CTTN: variants seen among roughly 807,000 people sequenced by gnomAD.
The protein encoded by CTTN is cortactin, also known as src substrate cortactin.
In CTTN, 28 loss-of-function variants were observed where a neutral mutation model predicts 84.0. The ratio of observed to expected loss-of-function variants is 0.33; its 90% CI spans 0.25 to 0.46. The LOEUF (loss-of-function observed/expected upper bound fraction) is 0.46, where lower values mean the gene tolerates loss of function less well. Among genes scored for constraint, CTTN ranks in the 20% least tolerant of loss-of-function variants. The pLI is 1.00. For synonymous variants in CTTN, 301 were observed against 288.8 expected, an observed-to-expected ratio of 1.04 and a Z score of -0.43; for missense variants, 641 against 723.8, an observed-to-expected ratio of 0.89 and a Z score of 1.31.
intron 15 of CTTN, among the ~76,000 whole-genome samples, 161 bp downstream of exon 15, chr11:70,431,441 G>T (rs2058353254): frequency 6.6e-6 from 1 of 152,068 alleles, no homozygotes; most frequent in Non-Finnish European, 1.5e-5. Flanking sequence ...GGAGCGCCTG[G>T]GGGGTGGGTG....
chr11:70,398,811 C>T (rs904334443), intron 1 of CTTN, among the ~76,000 whole-genome samples, 197 bp downstream of exon 1: 5 of 149,636 alleles, frequency 3.3e-5, no homozygotes, highest in Non-Finnish European at 7.4e-5. Flanking sequence ...GCCGGGGGTC[C>T]GCGAGGGCCA....
intron 4 of CTTN, 23 bp downstream of exon 4, chr11:70,407,614 T>TC: frequency 6.2e-7 from 1 of 1,602,140 alleles, no homozygotes; most frequent in Non-Finnish European, 8.5e-7. Context: ...GCCACCACCC[T>TC]CCCGAGGGCC....
In CTTN at chr11:70,433,180, A is replaced by G. The variant is rs368630414; in HGVS notation, c.1346A>G (p.Glu449Gly). 11 of 1,613,598 alleles carry G rather than the reference A, an allele frequency of 6.8e-6. No individual in the cohort carries two copies. Among genetic ancestry groups the G allele is most frequent in the Non-Finnish European group, 9.3e-6 (11 of 1,179,980 alleles). The change falls in exon 16 of 18, where the codon GAG (glutamate) becomes GGG (glycine). Residue 449 changes from glutamate to glycine, a missense_variant. By Grantham distance (98) the Glu-to-Gly change is moderately conservative (BLOSUM62 -2). Around this residue, in one of 3 missense-constraint regions of CTTN, gnomAD observed 289 missense variants for 273.1 expected, o/e 1.06. Transcript: ENST00000301843. ...GTEPEPVYSMEAADYREASSQ... is the reference protein window; with the variant it reads ...GTEPEPVYSMGAADYREASSQ... ...GAGCCGGAGCCCGTGTACAGCATGG[A>G]GGCCGCTGACTACCGAGAGGCCAGC...
Position 70,435,026 on chromosome 11 carries a change from C to T in CTTN, c.1517C>T (p.Ala506Val), listed in dbSNP as rs752732156. 8.7e-6 allele frequency: 14 copies of T among 1,613,788 alleles called. No individual in the cohort carries two copies. The highest frequency in any genetic ancestry group is 6.7e-5 in the East Asian group (3 of 44,876). Reference sequence around the variant, plus strand: ...TCTTTCTCTGTGTTCTCTTCCCCAGCGGGCGATGATGAGATCTCATTTGAC... The same window carrying T: ...TCTTTCTCTGTGTTCTCTTCCCCAGTGGGCGATGATGAGATCTCATTTGAC... Reference protein sequence around the residue: ...TAVALYDYQAAGDDEISFDPD... With the variant: ...TAVALYDYQAVGDDEISFDPD... The change falls in exon 18 of 18, where the codon GCG becomes GTG. Residue 506 changes from alanine to valine, a missense_variant and splice_region_variant. Coordinates refer to ENST00000301843, the MANE Select transcript of CTTN (RefSeq NM_005231.4).
At chr11:70,420,195 A>T (rs1591442424) in intron 9 of CTTN, 2 of 607,086 alleles carry the variant, frequency 3.3e-6, no homozygotes, top group African/African-American at 3.7e-5. Context: ...CTTAGTCACG[A>T]TGCTGAGGTC....
Position 70,419,361 on chromosome 11 carries a change from C to A in CTTN, c.569-385C>A, listed in dbSNP as rs57025393. On this transcript the variant is annotated intron_variant, in intron 8 of 17. Transcript: ENST00000301843. ...CTGACCTCAGGTGATCCACCCACCT[C>A]GACCTCCCAAAGTGCTGTGATTACA... Among the ~76,000 whole-genome samples, 439 of 152,070 alleles carry A rather than the reference C, an allele frequency of 2.9e-3. 3 individuals are homozygous for A. The highest frequency in any genetic ancestry group is 9.8e-3 in the African/African-American group (407 of 41,474).
At position 70,435,691 on chromosome 11, in the gene CTTN, C is replaced by A. The variant is rs748105655; in HGVS notation, c.*529C>A. The A allele has an allele frequency of 6.3e-7, 1 of 1,597,654 alleles. No homozygotes were observed. Among genetic ancestry groups the A allele is most frequent in the South Asian group, 1.1e-5 (1 of 90,824 alleles). ...TAAGTCACCCAGAGCACAGGAGCTG[C>A]CATGTCAGATGGGAAATCTGCCTAT... On this transcript the variant is annotated 3_prime_UTR_variant, in exon 18 of 18. Transcript: ENST00000301843.
intron 8 of CTTN, among the ~76,000 whole-genome samples, chr11:70,418,300 C>T (rs1439822030): frequency 6.6e-6 from 1 of 152,268 alleles, no homozygotes; most frequent in Non-Finnish European, 1.5e-5. Flanking sequence ...CACAGAGCTG[C>T]TTGCCTCTGC....
intron 5 of CTTN, 122 bp downstream of exon 5, chr11:70,410,082 C>A: frequency 9.7e-7 from 1 of 1,034,018 alleles, no homozygotes. Flanking sequence ...GCTGAGGTTG[C>A]GATTTGCCCG....
In CTTN at chr11:70,408,775, C is replaced by T. The variant is rs113532893; in HGVS notation, c.162-1056C>T. ...ACACTCCCTTCCACAGAAGCAGCTT[C>T]GGAACTCCGGTGGCCGTGCGGCTGC... On this transcript the variant is annotated intron_variant, in intron 4 of 17. Transcript: ENST00000301843. 3.6e-3 allele frequency among the ~76,000 whole-genome samples: 544 copies of T among 152,254 alleles called. 8 individuals carry two copies. Among genetic ancestry groups the T allele is most frequent in the African/African-American group, 0.012 (515 of 41,542 alleles).
intron 1 of CTTN, among the ~76,000 whole-genome samples, chr11:70,402,024 A>T (rs1342476873): frequency 6.6e-6 from 1 of 151,854 alleles, no homozygotes; most frequent in African/African-American, 2.4e-5. Flanking sequence ...GTGATGGCGC[A>T]TGCCTGTAAT....
intron 13 of CTTN, among the ~76,000 whole-genome samples, chr11:70,426,769 G>A (rs556837011): frequency 6.6e-6 from 1 of 151,736 alleles, no homozygotes; most frequent in South Asian, 2.1e-4. Context: ...TTTTGTTGTT[G>A]TTGCTATTTT....
intron 11 of CTTN, chr11:70,422,322 C>T (rs1591444454): frequency 2.7e-6 from 1 of 376,870 alleles, no homozygotes; most frequent in African/African-American, 2.1e-5. Flanking sequence ...TAGAAACACA[C>T]AGCAGTGTTC....
chr11:70,422,043 G>C (rs2135580777), intron 11 of CTTN: 1 of 228,722 alleles, frequency 4.4e-6, no homozygotes, highest in African/African-American at 2.3e-5. Context: ...GGCGTGTTCT[G>C]TGTGGTTTCT....
At chr11:70,429,698 C>T (rs1028847629) in intron 14 of CTTN, among the ~76,000 whole-genome samples, 2 of 152,170 alleles carry the variant, frequency 1.3e-5, no homozygotes, top group Non-Finnish European at 2.9e-5. Flanking sequence ...TGTGGAGAAG[C>T]GCTCCCAGAG....
In CTTN at chr11:70,433,152, A is replaced by C. The variant is rs756439178; in HGVS notation, c.1318A>C (p.Thr440Pro). The C allele has an allele frequency of 9.3e-6, 15 of 1,613,652 alleles. No individual in the cohort carries two copies. Among genetic ancestry groups the C allele is most frequent in the Non-Finnish European group, 1.1e-5 (13 of 1,180,010 alleles). ...ELSYRGPVSG[T>P]EPEPVYSMEA... ...GAGCTACAGAGGCCCTGTGAGTGGG[A>C]CGGAGCCGGAGCCCGTGTACAGCAT... The change falls in exon 16 of 18, where the codon ACG becomes CCG. Residue 440 changes from threonine (T) to proline (P), a missense_variant. Transcript: ENST00000301843.
chr11:70,401,986 T>C (rs1270510856), intron 1 of CTTN, among the ~76,000 whole-genome samples: 1 of 151,524 alleles, frequency 6.6e-6, no homozygotes, highest in East Asian at 2.0e-4. Flanking sequence ...ACCCCATCTC[T>C]ACTAAAAATA....
At position 70,433,851 on chromosome 11, in the gene CTTN, T is replaced by C. The variant is rs112050034; in HGVS notation, c.1516+133T>C. 2.2e-5 allele frequency: 15 copies of C among 694,154 alleles called. 1 individual carries two copies. In the East Asian group the frequency reaches 2.5e-4, roughly 12 times the overall value. The allele number at this position is 694,154 out of a possible 1,614,324, so 43.0% of individuals were successfully genotyped here. On this transcript the variant is annotated intron_variant, in intron 17 of 17. Transcript: ENST00000301843. ...TTATGTTGAGATAATTTCAGAGATA[T>C]AGAAAAGTTGCAGGTATAGTGCCAA...
At chr11:70,415,476 G>A (rs1437875703) in intron 6 of CTTN, among the ~76,000 whole-genome samples, 187 bp from the exon 7 acceptor site, 1 of 152,200 alleles carries the variant, frequency 6.6e-6, no homozygotes, top group Non-Finnish European at 1.5e-5. Context: ...CCTTGCAGTG[G>A]GCCTGTCCGT....
Sources: gnomAD v4.1 joint callset for allele counts (sites outside exome capture counted in the v4.1 genomes callset) on GRCh38, gnomAD v4.1.1 for gene constraint, gnomAD v4.1.1 regional missense constraint, MANE v1.5 for transcripts, NCBI Gene and HGNC (gene_info 2026-07-23, HGNC 2026-07-21) for gene names.